POLB: variants seen among roughly 807,000 people sequenced by gnomAD.
POLB encodes 5'-dRP lyase.
A neutral mutation model predicts 52.7 loss-of-function variants in POLB; 37 were observed. That is an observed-to-expected ratio of 0.70 (90% CI 0.54 to 0.92). The LOEUF is 0.92. Ranked by LOEUF, POLB falls within the 40% of genes least tolerant of loss-of-function variation. POLB has a pLI of 0.00. For missense variants in POLB, 313 were observed against 400.8 expected (o/e 0.78, Z 1.87); for synonymous variants, 138 against 131.3 (o/e 1.05, Z -0.35).
chr8:42,350,890 A>AG (rs1162331677), intron 5 of POLB, among the ~76,000 whole-genome samples: 1 of 150,082 alleles, frequency 6.7e-6, no homozygotes, highest in South Asian at 2.1e-4. Context: ...TTTTTTTTAG[A>AG]GATAGTGTCT....
In POLB at chr8:42,364,616, G is replaced by A. The variant is rs185348748; in HGVS notation, c.708+1918G>A. On this transcript the variant is annotated intron_variant, in intron 11 of 13. Transcript: ENST00000265421. ...TCTCAACACCCCACTTTTCCCGGGT[G>A]ATATGACTGAAAGGAAAGAGACTGT... is the stretch of plus-strand genomic sequence containing the variant. 1.1e-4 allele frequency among the ~76,000 whole-genome samples: 17 copies of A among 152,296 alleles called. No individual in the cohort carries two copies. The East Asian group carries it at 2.1e-3, about 19-fold the overall frequency.
intron 3 of POLB, among the ~76,000 whole-genome samples, chr8:42,348,012 C>T (rs1175730961): frequency 2.0e-5 from 3 of 152,192 alleles, no homozygotes; most frequent in East Asian, 1.9e-4. Context: ...AAACAAGACA[C>T]TATATAGTGC....
At chr8:42,364,262 C>A (rs1474653824) in intron 11 of POLB, among the ~76,000 whole-genome samples, 1 of 150,796 alleles carries the variant, frequency 6.6e-6, no homozygotes, top group East Asian at 1.9e-4. Context: ...TTTTTTGAAA[C>A]AGGGTCTTGC....
At chr8:42,366,818 T>C in intron 11 of POLB, among the ~76,000 whole-genome samples, 1 of 152,262 alleles carries the variant, frequency 6.6e-6, no homozygotes, top group East Asian at 1.9e-4. Flanking sequence ...AGAAGACCGT[T>C]ATGCAGATCA....
intron 2 of POLB, among the ~76,000 whole-genome samples, chr8:42,341,195 CAAATAATT>C (rs1055896090): frequency 1.3e-5 from 2 of 152,176 alleles, no homozygotes; most frequent in African/African-American, 4.8e-5. Flanking sequence ...TCTTGTCAGT[CAAATAATT>C]AAATAATATT....
At chr8:42,363,556 A>G (rs1018529509) in intron 11 of POLB, among the ~76,000 whole-genome samples, 1 of 147,722 alleles carries the variant, frequency 6.8e-6, no homozygotes, top group African/African-American at 2.6e-5. Context: ...AAAAAAAAAA[A>G]GAATGGGTTA....
At chr8:42,369,195 C>T (rs1276599235) in intron 11 of POLB, 76 bp from the exon 12 acceptor site, 13 of 836,328 alleles carry the variant, frequency 1.6e-5, no homozygotes, top group Non-Finnish European at 2.6e-5. Context: ...ACAAAAATGG[C>T]CTTGTGTTTT....
intron 7 of POLB, among the ~76,000 whole-genome samples, 155 bp from the exon 8 acceptor site, chr8:42,357,014 A>G (rs898948869): frequency 2.0e-5 from 3 of 151,752 alleles, no homozygotes; most frequent in African/African-American, 4.8e-5. Context: ...TCCACCCCCA[A>G]TTTTGCTGTT....
intron 2 of POLB, chr8:42,339,378 A>G (rs1048435488): frequency 1.3e-5 from 5 of 370,702 alleles, no homozygotes; most frequent in African/African-American, 2.1e-5. Context: ...TGAAGTCCAT[A>G]CTGTGAAATA....
intron 10 of POLB, among the ~76,000 whole-genome samples, chr8:42,362,060 A>G (rs1721141143): frequency 6.6e-6 from 1 of 152,134 alleles, no homozygotes; most frequent in South Asian, 2.1e-4. Flanking sequence ...CAGGAGATCA[A>G]GACCATCCTG....
intron 9 of POLB, among the ~76,000 whole-genome samples, chr8:42,359,715 C>T (rs768084867): frequency 2.0e-5 from 3 of 151,214 alleles, no homozygotes; most frequent in Admixed American, 1.3e-4. Flanking sequence ...ATGTATCATA[C>T]TTCATTTGTT....
At chr8:42,370,914 G>A (rs1173852302) in intron 13 of POLB, among the ~76,000 whole-genome samples, 1 of 152,232 alleles carries the variant, frequency 6.6e-6, no homozygotes, top group African/African-American at 2.4e-5. Context: ...GGATAAGCTT[G>A]TTCTAGATAA....
intron 10 of POLB, chr8:42,361,781 T>C (rs1823709135): frequency 7.0e-6 from 1 of 142,064 alleles, no homozygotes; most frequent in Non-Finnish European, 1.4e-5. Flanking sequence ...GCTGACTCTT[T>C]GATTGCTTTT....
intron 2 of POLB, chr8:42,341,962 G>A: frequency 1.4e-6 from 1 of 721,232 alleles, no homozygotes; most frequent in Non-Finnish European, 2.5e-6. Flanking sequence ...CTGAAGTTAT[G>A]CTATTCTTTA....
intron 5 of POLB, among the ~76,000 whole-genome samples, chr8:42,350,361 T>A (rs1257411628): frequency 6.6e-6 from 1 of 152,186 alleles, no homozygotes; most frequent in Non-Finnish European, 1.5e-5. Flanking sequence ...TGCATCTATT[T>A]CCTGCTCCAG....
rs112956331 is a variant in POLB, at chr8:42,366,510, G to T, written c.709-2761G>T. Among the ~76,000 whole-genome samples the T allele has an allele frequency of 1.2e-4, 18 of 152,268 alleles. 2 individuals carry two copies. The highest frequency in any genetic ancestry group is 4.3e-4 in the African/African-American group (18 of 41,548). ...AGTGGGTGGTTTTTGACAAAGTTTG[G>T]ATGTTATACCTGTGGTTCATAGTCC... On this transcript the variant is annotated intron_variant, in intron 11 of 13. Coordinates refer to ENST00000265421, the MANE Select transcript of POLB (RefSeq NM_002690.3).
chr8:42,369,729 A>G (rs930996443), intron 12 of POLB, 120 bp from the exon 13 acceptor site: 1 of 626,350 alleles, frequency 1.6e-6, no homozygotes, highest in Non-Finnish European at 2.7e-6. Context: ...CTTCTCTTCA[A>G]ATTATTAGAC....
intron 13 of POLB, among the ~76,000 whole-genome samples, chr8:42,371,291 T>C (rs1411648925): frequency 6.6e-6 from 1 of 152,004 alleles, no homozygotes; most frequent in Non-Finnish European, 1.5e-5. Context: ...GCCTGGCTAA[T>C]TTTGTATTTT....
intron 2 of POLB, among the ~76,000 whole-genome samples, chr8:42,343,346 A>AAAAT (rs1822358553): frequency 1.0e-4 from 2 of 19,974 alleles, no homozygotes; most frequent in African/African-American, 1.5e-4. Flanking sequence ...AAAAAAAAAA[A>AAAAT]TATATATATA....
Sources: gnomAD v4.1 joint callset for allele counts (sites outside exome capture counted in the v4.1 genomes callset) on GRCh38, gnomAD v4.1.1 for gene constraint, MANE v1.5 for transcripts, NCBI Gene and HGNC (gene_info 2026-07-23, HGNC 2026-07-21) for gene names.